PIP5K1B: variants seen among roughly 807,000 people sequenced by gnomAD.
PIP5K1B encodes the protein phosphatidylinositol 4-phosphate 5-kinase type-1 beta.
Under a neutral mutation model 67.0 loss-of-function variants are expected in PIP5K1B, and 42 were observed. The ratio of observed to expected loss-of-function variants is 0.63; its 90% CI spans 0.49 to 0.81. The LOEUF (loss-of-function observed/expected upper bound fraction) is 0.81. PIP5K1B is among the 30% of genes least tolerant of loss of function. The pLI, the probability that PIP5K1B is intolerant of heterozygous loss-of-function variation, is 0.00. For synonymous variants in PIP5K1B, 214 were observed against 231.4 expected (o/e 0.92, Z 0.68); for missense variants, 459 against 646.3 (o/e 0.71, Z 3.14).
intron 14 of PIP5K1B, among the ~76,000 whole-genome samples, chr9:68,987,403 A>C (rs1354970526): frequency 1.3e-5 from 2 of 151,982 alleles, no homozygotes; most frequent in Non-Finnish European, 2.9e-5. Context: ...CTCTACTAAA[A>C]ATACAAAAAT....
intron 14 of PIP5K1B, among the ~76,000 whole-genome samples, chr9:68,990,807 G>A (rs958985948): frequency 6.6e-6 from 1 of 151,808 alleles, no homozygotes; most frequent in African/African-American, 2.4e-5. Flanking sequence ...GGGACTACAG[G>A]TGTGCACCAC....
At chr9:68,844,407 A>T (rs1349042640) in intron 4 of PIP5K1B, among the ~76,000 whole-genome samples, 1 of 152,186 alleles carries the variant, frequency 6.6e-6, no homozygotes, top group Non-Finnish European at 1.5e-5. Context: ...TCAACTATGC[A>T]TCGGGCACTT....
chr9:68,995,929 A>G (rs544397180), intron 15 of PIP5K1B, among the ~76,000 whole-genome samples: 1 of 152,300 alleles, frequency 6.6e-6, no homozygotes, highest in Admixed American at 6.5e-5. Context: ...AATCACAGCC[A>G]TCTTTATCTG....
intron 14 of PIP5K1B, among the ~76,000 whole-genome samples, chr9:68,975,489 T>C (rs1829593705): frequency 6.6e-6 from 1 of 152,232 alleles, no homozygotes; most frequent in Non-Finnish European, 1.5e-5. Flanking sequence ...TGAATGCATG[T>C]CAGTGAGAAG....
At chr9:68,840,206 G>A (rs1821846124) in intron 4 of PIP5K1B, among the ~76,000 whole-genome samples, 2 of 151,918 alleles carry the variant, frequency 1.3e-5, no homozygotes, top group African/African-American at 4.8e-5. Flanking sequence ...GTGAAACCCC[G>A]TCTCTACTAA....
At chr9:68,876,523 C>A (rs1298227460) in intron 5 of PIP5K1B, among the ~76,000 whole-genome samples, 154 bp from the exon 6 acceptor site, 1 of 152,110 alleles carries the variant, frequency 6.6e-6, no homozygotes, top group African/African-American at 2.4e-5. Flanking sequence ...TTATCATTGG[C>A]CTTTATGACA....
chr9:68,938,666 A>C (rs1365447702), intron 13 of PIP5K1B, among the ~76,000 whole-genome samples: 1 of 152,046 alleles, frequency 6.6e-6, no homozygotes, highest in African/African-American at 2.4e-5. Context: ...AGCTGGGCTG[A>C]GTTCTTATCA....
intron 2 of PIP5K1B, among the ~76,000 whole-genome samples, chr9:68,806,432 G>C (rs1348005226): frequency 6.6e-6 from 1 of 152,162 alleles, no homozygotes; most frequent in African/African-American, 2.4e-5. Context: ...GCAGGCTCTA[G>C]AGTCACCCTT....
chr9:68,839,851 A>G (rs1468824436), intron 4 of PIP5K1B, among the ~76,000 whole-genome samples: 1 of 152,164 alleles, frequency 6.6e-6, no homozygotes, highest in Non-Finnish European at 1.5e-5. Flanking sequence ...AGAGGTCATG[A>G]CAAGACCATT....
At chr9:68,709,421 CAG>C (rs1026521517) in intron 1 of PIP5K1B, among the ~76,000 whole-genome samples, 14 of 152,032 alleles carry the variant, frequency 9.2e-5, no homozygotes, top group African/African-American at 2.9e-4. Context: ...TTGGCAGAGA[CAG>C]GGTTGCACCA....
intron 14 of PIP5K1B, among the ~76,000 whole-genome samples, chr9:68,986,830 A>G (rs2132927109): frequency 6.6e-6 from 1 of 152,364 alleles, no homozygotes; most frequent in East Asian, 1.9e-4. Flanking sequence ...TCTTAGATTG[A>G]AAAATACTTT....
At position 68,917,541 on chromosome 9, in the gene PIP5K1B, C is replaced by T; in HGVS notation, c.772-7C>T. The T allele has an allele frequency of 1.2e-6, 2 of 1,609,492 alleles. No homozygotes were observed. Among genetic ancestry groups the T allele is most frequent in the Non-Finnish European group, 8.5e-7 (1 of 1,175,924 alleles). On this transcript the variant is annotated splice_polypyrimidine_tract_variant and splice_region_variant and intron_variant, in intron 8 of 15. Transcript: ENST00000265382. ...TGACTGGCTTCCTGGTTCTTTTTCT[C>T]ATTCAGGTGCTAGAAAGCTTCAAGA...
At chr9:68,744,332 C>T (rs1829167426) in intron 2 of PIP5K1B, among the ~76,000 whole-genome samples, 1 of 152,198 alleles carries the variant, frequency 6.6e-6, no homozygotes, top group Non-Finnish European at 1.5e-5. Flanking sequence ...GAAAAAACAA[C>T]TTCATCAAGT....
chr9:68,749,577 T>C (rs770659317), intron 2 of PIP5K1B, among the ~76,000 whole-genome samples: 3 of 152,210 alleles, frequency 2.0e-5, no homozygotes, highest in Non-Finnish European at 4.4e-5. Context: ...TAAGGTAACA[T>C]GACCACCTGT....
chr9:68,750,352 A>G (rs1829561787), intron 2 of PIP5K1B, among the ~76,000 whole-genome samples: 1 of 152,242 alleles, frequency 6.6e-6, no homozygotes, highest in South Asian at 2.1e-4. Flanking sequence ...AACTCTTTAT[A>G]TAATTCCCTG....
At chr9:68,893,589 C>T (rs1239688078) in intron 7 of PIP5K1B, among the ~76,000 whole-genome samples, 1 of 152,136 alleles carries the variant, frequency 6.6e-6, no homozygotes, top group Non-Finnish European at 1.5e-5. Context: ...GCCTTGGCCT[C>T]CCAAAGTGCT....
At chr9:68,977,964 C>T (rs768175210) in intron 14 of PIP5K1B, among the ~76,000 whole-genome samples, 1 of 152,082 alleles carries the variant, frequency 6.6e-6, no homozygotes, top group Non-Finnish European at 1.5e-5. Context: ...TTCTTTTTAA[C>T]ATTTATTATT....
chr9:68,880,823 C>T (rs896297673), intron 6 of PIP5K1B, among the ~76,000 whole-genome samples: 2 of 152,166 alleles, frequency 1.3e-5, no homozygotes, highest in Non-Finnish European at 2.9e-5. Context: ...TGCTGCCACC[C>T]ACCTGTGCCT....
chr9:68,906,352 T>C (rs1014281112), intron 8 of PIP5K1B, among the ~76,000 whole-genome samples: 4 of 152,188 alleles, frequency 2.6e-5, no homozygotes, highest in Non-Finnish European at 4.4e-5. Flanking sequence ...AGGATAACTC[T>C]TCTCTCCTCA....
Sources: gnomAD v4.1 joint callset for allele counts (sites outside exome capture counted in the v4.1 genomes callset) on GRCh38, gnomAD v4.1.1 for gene constraint, MANE v1.5 for transcripts, NCBI Gene and HGNC (gene_info 2026-07-23, HGNC 2026-07-21) for gene names.